Variants in LUZP2 observed in about 807,000 individuals in gnomAD.
LUZP2 encodes the protein leucine zipper protein 2.
LUZP2 carries 52 observed loss-of-function variants against 51.6 expected under a neutral mutation model. The observed-to-expected ratio is 1.01, with a 90% CI of 0.81 to 1.27. The LOEUF (loss-of-function observed/expected upper bound fraction) is 1.27. Among genes scored for constraint, LUZP2 ranks in the 50% most tolerant of loss-of-function variants. The probability of loss-of-function intolerance (pLI) is 0.00; values close to 1 mark genes in which losing one functional copy is unlikely to be tolerated. For missense variants in LUZP2, 436 were observed against 395.4 expected, an observed-to-expected ratio of 1.10 and a Z score of -0.87; for synonymous variants, 154 against 137.3, an observed-to-expected ratio of 1.12 and a Z score of -0.85.
At chr11:24,529,861 TAAC>T (rs998544900) in intron 1 of LUZP2, among the ~76,000 whole-genome samples, 1 of 151,010 alleles carries the variant, frequency 6.6e-6, no homozygotes, top group African/African-American at 2.4e-5. Flanking sequence ...TTTTAATAAT[TAAC>T]AATATTTGAT....
chr11:24,688,124 GATA>G (rs1856952892), intron 1 of LUZP2, among the ~76,000 whole-genome samples: 1 of 151,990 alleles, frequency 6.6e-6, no homozygotes, highest in Non-Finnish European at 1.5e-5. Context: ...AGTTTATAAT[GATA>G]ATAACAAGAG....
intron 1 of LUZP2, among the ~76,000 whole-genome samples, chr11:24,518,394 T>G (rs1313027818): frequency 6.6e-6 from 1 of 152,178 alleles, no homozygotes; most frequent in Admixed American, 6.5e-5. Context: ...ATTTTCCCCT[T>G]GTAACATTGT....
chr11:24,859,539 A>C (rs774118954), intron 5 of LUZP2, among the ~76,000 whole-genome samples: 1 of 150,636 alleles, frequency 6.6e-6, no homozygotes, highest in Non-Finnish European at 1.5e-5. Flanking sequence ...AAAAATAGAC[A>C]AACTGGAGGG....
At chr11:24,935,665 A>T (rs116595192) in intron 7 of LUZP2, among the ~76,000 whole-genome samples, 1 of 152,166 alleles carries the variant, frequency 6.6e-6, no homozygotes, top group Non-Finnish European at 1.5e-5. Flanking sequence ...TCATTATGAA[A>T]GTAAAATAAA....
intron 9 of LUZP2, among the ~76,000 whole-genome samples, chr11:24,988,182 A>G (rs561725323): frequency 2.6e-5 from 4 of 151,982 alleles, no homozygotes; most frequent in Non-Finnish European, 5.9e-5. Flanking sequence ...CTAACCATTT[A>G]GTTATCTCCA....
intron 5 of LUZP2, chr11:24,785,758 C>G (rs1386678556): frequency 6.2e-6 from 3 of 485,212 alleles, no homozygotes; most frequent in Non-Finnish European, 8.0e-6. Context: ...ATTATATAAA[C>G]TGTTAGAGAC....
rs1450955520 is a variant in LUZP2 at position 24,999,135 on chromosome 11, T to C, written c.765+15842T>C. Among the ~76,000 whole-genome samples, 5 of 152,306 alleles carry C rather than the reference T, an allele frequency of 3.3e-5. No individual in the cohort carries two copies. In the East Asian group the frequency reaches 9.7e-4, roughly 29 times the overall value. On this transcript the variant is annotated intron_variant, in intron 9 of 11. Coordinates refer to ENST00000336930, the MANE Select transcript of LUZP2 (RefSeq NM_001009909.4). Reference sequence around the variant, plus strand: ...TTCAATGTTACATTTCATTTAATGATGTTCAAAATTTGAATGTCTCATGCC... The same window carrying C: ...TTCAATGTTACATTTCATTTAATGACGTTCAAAATTTGAATGTCTCATGCC...
At chr11:24,652,821 C>T (rs1855670716) in intron 1 of LUZP2, among the ~76,000 whole-genome samples, 1 of 151,884 alleles carries the variant, frequency 6.6e-6, no homozygotes, top group Admixed American at 6.6e-5. Flanking sequence ...TTTATGCCTG[C>T]CACATTATTT....
chr11:24,805,223 AC>A (rs1274434633), intron 5 of LUZP2, among the ~76,000 whole-genome samples: 2 of 151,990 alleles, frequency 1.3e-5, no homozygotes, highest in African/African-American at 4.8e-5. Flanking sequence ...GTGCAGGCAA[AC>A]TCTGATTTTT....
rs533340812 is a variant in LUZP2 at position 24,517,442 on chromosome 11, C to T, written c.62+20137C>T. Among the ~76,000 whole-genome samples, 577 of 129,504 alleles carry T rather than the reference C, an allele frequency of 4.5e-3. 4 individuals are homozygous for T. The highest frequency in any genetic ancestry group is 0.015 in the African/African-American group (512 of 33,042). 85.0% of individuals were successfully genotyped at this position (129,504 alleles called of 152,430 possible). A position where few individuals can be genotyped will look rare whatever the true frequency, so the allele number is the denominator to read the frequency against. ...CGGAGCTTGCAGTGAGCCAAGATCC[C>T]GCCACTGCACTCCAGCCTGGGTGAC... On this transcript the variant is annotated intron_variant, in intron 1 of 11. Coordinates refer to ENST00000336930, the MANE Select transcript of LUZP2 (RefSeq NM_001009909.4).
chr11:25,002,993 G>T (rs146827367), intron 9 of LUZP2, among the ~76,000 whole-genome samples: 2,092 of 152,260 alleles, frequency 0.014, 59 homozygotes, highest in African/African-American at 0.048. Flanking sequence ...CTTAGGGTGA[G>T]AATAAGCCAG....
intron 1 of LUZP2, among the ~76,000 whole-genome samples, chr11:24,719,987 C>T (rs1335507403): frequency 1.3e-5 from 2 of 151,884 alleles, no homozygotes; most frequent in Admixed American, 6.6e-5. Context: ...AGTGAATGGC[C>T]CAGCTAAGCT....
intron 5 of LUZP2, among the ~76,000 whole-genome samples, chr11:24,792,167 G>A (rs2029190): frequency 0.024 from 3,624 of 152,110 alleles, 149 homozygotes; most frequent in African/African-American, 0.081. Context: ...GGTGGTTCAT[G>A]TCTGTAATCC....
chr11:24,657,780 A>G (rs1255304092), intron 1 of LUZP2, among the ~76,000 whole-genome samples: 2 of 152,190 alleles, frequency 1.3e-5, no homozygotes, highest in African/African-American at 2.4e-5. Flanking sequence ...CTTATACACC[A>G]TTAACAAACA....
chr11:24,768,625 CA>C (rs1380253142), intron 5 of LUZP2, among the ~76,000 whole-genome samples: 6 of 152,048 alleles, frequency 3.9e-5, no homozygotes, highest in African/African-American at 1.2e-4. Context: ...AGAAGATTTA[CA>C]AATGCCCAAA....
intron 9 of LUZP2, among the ~76,000 whole-genome samples, chr11:25,026,897 T>TA (rs943072752): frequency 3.3e-5 from 5 of 151,146 alleles, no homozygotes; most frequent in Non-Finnish European, 7.4e-5. Context: ...TTTATTTATT[T>TA]TTTTATTATT....
chr11:24,813,265 C>T (rs1015898031), intron 5 of LUZP2, among the ~76,000 whole-genome samples: 1 of 152,112 alleles, frequency 6.6e-6, no homozygotes, highest in Non-Finnish European at 1.5e-5. Context: ...CAGTTATATT[C>T]CTGCCACTTC....
Position 24,974,172 on chromosome 11 carries a change from T to A in LUZP2, c.523-2419T>A, listed in dbSNP as rs190266452. ...TTAGCTCTTCTTGTGGAATTGAAAC[T>A]TTTACCATTATGTAATGCCCTTCTT... On this transcript the variant is annotated intron_variant, in intron 7 of 11. Transcript: ENST00000336930. Among the ~76,000 whole-genome samples, 29 of 152,142 alleles carry A rather than the reference T, an allele frequency of 1.9e-4. No homozygotes were observed. The East Asian group carries it at 5.0e-3, about 26-fold the overall frequency.
intron 7 of LUZP2, among the ~76,000 whole-genome samples, chr11:24,959,758 A>C (rs1032992285): frequency 3.3e-4 from 50 of 152,180 alleles, no homozygotes; most frequent in Non-Finnish European, 4.9e-4. Flanking sequence ...TCACCTGCCT[A>C]ATTGCCCTGG....
Sources: allele counts gnomAD v4.1 joint callset (sites outside exome capture counted in the v4.1 genomes callset), GRCh38; gene constraint gnomAD v4.1.1; transcripts MANE v1.5; gene names NCBI Gene and HGNC (gene_info 2026-07-23, HGNC 2026-07-21).